Variants in CREG2 observed in about 807,000 individuals in gnomAD.
CREG2 encodes protein CREG2.
CREG2 carries 24 observed loss-of-function variants against 26.2 expected under a neutral mutation model. The observed-to-expected ratio is 0.92, with a 90% CI of 0.66 to 1.29. The LOEUF is 1.29. Ranked by LOEUF, CREG2 falls within the 50% of genes most tolerant of loss-of-function variation. The pLI, the probability that CREG2 is intolerant of heterozygous loss-of-function variation, is 0.00. For synonymous variants in CREG2, 174 were observed against 169.2 expected (o/e 1.03, Z -0.22); for missense variants, 366 against 398.6 (o/e 0.92, Z 0.70).
chr2:101,353,477 G>A (rs769505251), intron 3 of CREG2, among the ~76,000 whole-genome samples: 6 of 152,170 alleles, frequency 3.9e-5, no homozygotes, highest in Non-Finnish European at 8.8e-5. Flanking sequence ...AGATGCTGGC[G>A]AGGCTGTGGA....
intron 2 of CREG2, among the ~76,000 whole-genome samples, chr2:101,377,195 A>G (rs1027911571): frequency 6.6e-6 from 1 of 152,208 alleles, no homozygotes; most frequent in African/African-American, 2.4e-5. Context: ...TACTCTATGA[A>G]AAGAAATTTT....
chr2:101,364,039 C>T (rs985731291), intron 2 of CREG2, among the ~76,000 whole-genome samples: 4 of 152,086 alleles, frequency 2.6e-5, no homozygotes, highest in Admixed American at 1.3e-4. Context: ...TCACAGAAAC[C>T]GGGTTGAGGG....
At chr2:101,357,542 A>G (rs1321760220) in intron 2 of CREG2, among the ~76,000 whole-genome samples, 1 of 152,216 alleles carries the variant, frequency 6.6e-6, no homozygotes, top group East Asian at 1.9e-4. Flanking sequence ...AGGATGAGGC[A>G]GCACAATGAT....
At chr2:101,386,421 G>A (rs1465664065) in intron 1 of CREG2, among the ~76,000 whole-genome samples, 1 of 152,218 alleles carries the variant, frequency 6.6e-6, no homozygotes, top group Non-Finnish European at 1.5e-5. Context: ...TAACAGGTGA[G>A]TAAAGCATTT....
In CREG2 at chr2:101,355,302, C is replaced by A. The variant is rs145267496; in HGVS notation, c.676G>T (p.Ala226Ser). 5 of 1,613,776 alleles carry A rather than the reference C, an allele frequency of 3.1e-6. No individual in the cohort carries two copies. The highest frequency in any genetic ancestry group is 1.7e-5 in the Admixed American group (1 of 59,996). The change falls in exon 3 of 4, where the codon GCA becomes TCA. Residue 226 changes from alanine to serine, a missense_variant. Coordinates refer to ENST00000324768, the MANE Select transcript of CREG2 (RefSeq NM_153836.4). Reference sequence around the variant, plus strand: ...AATTCTACTTCTTCTGGAGACACTGCGATCATCTGGCCAGTGAGCGTTAAC... The same window carrying A: ...AATTCTACTTCTTCTGGAGACACTGAGATCATCTGGCCAGTGAGCGTTAAC... ...VQLTLTGQMI[A>S]VSPEEVEFAK...
chr2:101,374,582 T>C (rs1198243945), intron 2 of CREG2, among the ~76,000 whole-genome samples: 1 of 152,254 alleles, frequency 6.6e-6, no homozygotes, highest in Non-Finnish European at 1.5e-5. Context: ...GGCTTTGAAA[T>C]GCACATTCTG....
In CREG2 at chr2:101,384,896, C is replaced by G. The variant is rs976949707; in HGVS notation, c.442-1194G>C. Among the ~76,000 whole-genome samples, 4 of 152,036 alleles carry G rather than the reference C, an allele frequency of 2.6e-5. No individual in the cohort carries two copies. The East Asian group carries it at 7.8e-4, about 29-fold the overall frequency. On this transcript the variant is annotated intron_variant, in intron 1 of 3. Coordinates refer to ENST00000324768, the MANE Select transcript of CREG2 (RefSeq NM_153836.4). ...AAATAAAAATAAAAAGAGCCTGGCA[C>G]CTTCCCCTCTCTCTTGCTTTCTTTC...
intron 2 of CREG2, among the ~76,000 whole-genome samples, chr2:101,361,509 C>G (rs1217158017): frequency 6.6e-6 from 1 of 152,136 alleles, no homozygotes; most frequent in Non-Finnish European, 1.5e-5. Flanking sequence ...GGGGCACGAG[C>G]CTTGGGTTGC....
chr2:101,373,929 C>T (rs748212267), intron 2 of CREG2, among the ~76,000 whole-genome samples: 8 of 152,206 alleles, frequency 5.3e-5, no homozygotes, highest in Admixed American at 6.5e-5. Context: ...GGCAGTGGCA[C>T]GATCGCTGCT....
At chr2:101,360,659 A>C (rs1041732997) in intron 2 of CREG2, among the ~76,000 whole-genome samples, 3 of 151,890 alleles carry the variant, frequency 2.0e-5, no homozygotes, top group African/African-American at 7.3e-5. Flanking sequence ...AATAGCTTGA[A>C]CCTGGGAGAC....
At chr2:101,372,933 A>T (rs754441096) in intron 2 of CREG2, among the ~76,000 whole-genome samples, 2 of 152,254 alleles carry the variant, frequency 1.3e-5, no homozygotes, top group Non-Finnish European at 2.9e-5. Context: ...CAAAAACCAC[A>T]TCAAGATATT....
intron 2 of CREG2, among the ~76,000 whole-genome samples, chr2:101,359,667 G>A (rs1684512670): frequency 6.6e-6 from 1 of 152,190 alleles, no homozygotes; most frequent in African/African-American, 2.4e-5. Context: ...GCCTGCTCAT[G>A]TCTGACTAGC....
chr2:101,358,582 A>G (rs987174535), intron 2 of CREG2, among the ~76,000 whole-genome samples: 1 of 152,208 alleles, frequency 6.6e-6, no homozygotes, highest in African/African-American at 2.4e-5. Context: ...TCAATACTAT[A>G]ACATACAGCC....
intron 2 of CREG2, among the ~76,000 whole-genome samples, chr2:101,372,089 T>A (rs1366961162): frequency 1.3e-5 from 2 of 152,076 alleles, no homozygotes; most frequent in African/African-American, 4.8e-5. Context: ...GGAATGAGGA[T>A]GTCAAGGTGG....
intron 2 of CREG2, chr2:101,383,201 T>C: frequency 2.8e-6 from 1 of 352,532 alleles, no homozygotes; most frequent in Non-Finnish European, 5.0e-6. Flanking sequence ...ACCCTCGCCC[T>C]TTTCCATAAC....
At chr2:101,358,150 C>G (rs1330166974) in intron 2 of CREG2, among the ~76,000 whole-genome samples, 1 of 152,086 alleles carries the variant, frequency 6.6e-6, no homozygotes. Flanking sequence ...CACCACCATG[C>G]CTGGCTAAGT....
chr2:101,361,925 G>A (rs1201256566), intron 2 of CREG2, among the ~76,000 whole-genome samples: 1 of 152,106 alleles, frequency 6.6e-6, no homozygotes, highest in Non-Finnish European at 1.5e-5. Context: ...GGCTGTAGGA[G>A]GTGTTGCCCC....
At chr2:101,351,121 C>A in intron 3 of CREG2, 51 bp from the exon 4 acceptor site, 1 of 1,574,808 alleles carries the variant, frequency 6.3e-7, no homozygotes, top group Non-Finnish European at 8.6e-7. Context: ...CAGAGAGGTG[C>A]ACCCTGGGCC....
At position 101,350,952 on chromosome 2, in the gene CREG2, A is replaced by G. The variant is rs1262515368; in HGVS notation, c.844T>C (p.Tyr282His). Residue 282 changes from tyrosine (Y) to histidine (H), a missense_variant, in exon 4 of 4, where the codon TAT becomes CAT. Physicochemically the swap from Tyr to His is moderately conservative, Grantham distance 83 (BLOSUM62 2). Around this residue, in one of 3 missense-constraint regions of CREG2, gnomAD observed 174 missense variants for 178.2 expected, o/e 0.98. Coordinates refer to ENST00000324768, the MANE Select transcript of CREG2 (RefSeq NM_153836.4). ...GCCTTTCTGGGAACTGCTTTGAAAT[A>G]TTCCTCCCTTGAAATACTGGATGCG... ...GGASSISREE[Y>H]FKAVPRKA 4 of 1,614,174 alleles carry G rather than the reference A, an allele frequency of 2.5e-6. No homozygotes were observed. Among genetic ancestry groups the G allele is most frequent in the Non-Finnish European group, 3.4e-6 (4 of 1,180,028 alleles).
Sources: gnomAD v4.1 joint callset for allele counts (sites outside exome capture counted in the v4.1 genomes callset) on GRCh38, gnomAD v4.1.1 for gene constraint, gnomAD v4.1.1 regional missense constraint, MANE v1.5 for transcripts, NCBI Gene and HGNC (gene_info 2026-07-23, HGNC 2026-07-21) for gene names.